ME3: variants seen among roughly 807,000 people sequenced by gnomAD.
ME3 encodes the protein NADP-dependent malic enzyme, mitochondrial.
ME3 carries 48 observed loss-of-function variants against 68.9 expected under a neutral mutation model. The ratio of observed to expected loss-of-function variants is 0.70; its 90% CI spans 0.55 to 0.89. The LOEUF is 0.89. ME3 is among the 40% of genes least tolerant of loss of function. The pLI, the probability that ME3 is intolerant of heterozygous loss-of-function variation, is 0.00. For synonymous variants in ME3, 320 were observed against 318.8 expected (o/e 1.00, Z -0.04); for missense variants, 675 against 797.4 (o/e 0.85, Z 1.85).
At chr11:86,551,699 A>G (rs898322970) in intron 4 of ME3, among the ~76,000 whole-genome samples, 5 of 152,226 alleles carry the variant, frequency 3.3e-5, no homozygotes, top group African/African-American at 1.2e-4. Context: ...ACATGCATTC[A>G]ATAAATGGTA....
intron 8 of ME3, among the ~76,000 whole-genome samples, chr11:86,458,568 C>T (rs560471659): frequency 2.0e-5 from 3 of 152,064 alleles, no homozygotes; most frequent in Non-Finnish European, 4.4e-5. Flanking sequence ...ACATGAACTT[C>T]AGGACTAGGA....
At chr11:86,507,720 C>T (rs997221244) in intron 5 of ME3, among the ~76,000 whole-genome samples, 5 of 152,164 alleles carry the variant, frequency 3.3e-5, no homozygotes, top group Non-Finnish European at 5.9e-5. Flanking sequence ...CGGTGGCTCA[C>T]GCCTGTAATC....
chr11:86,578,191 C>G (rs1958227026), intron 2 of ME3, among the ~76,000 whole-genome samples: 1 of 152,146 alleles, frequency 6.6e-6, no homozygotes, highest in South Asian at 2.1e-4. Flanking sequence ...CCTCTCTTCC[C>G]AAGAGACTAT....
chr11:86,471,755 G>A (rs1472954946), intron 7 of ME3, among the ~76,000 whole-genome samples: 1 of 152,190 alleles, frequency 6.6e-6, no homozygotes, highest in Non-Finnish European at 1.5e-5. Flanking sequence ...TTTGAGCCCA[G>A]AAGTTCAAGG....
chr11:86,644,607 A>C (rs1944883336), intron 2 of ME3, among the ~76,000 whole-genome samples: 1 of 152,152 alleles, frequency 6.6e-6, no homozygotes, highest in African/African-American at 2.4e-5. Flanking sequence ...CCTCTGCCCC[A>C]AACAGTCTTA....
chr11:86,475,811 A>G (rs1367077148), intron 7 of ME3, among the ~76,000 whole-genome samples: 3 of 150,194 alleles, frequency 2.0e-5, no homozygotes, highest in African/African-American at 7.4e-5. Context: ...TGAGAATTCT[A>G]AGATACAGAC....
chr11:86,449,352 G>A (rs1410787092), intron 10 of ME3, among the ~76,000 whole-genome samples: 1 of 152,174 alleles, frequency 6.6e-6, no homozygotes, highest in Non-Finnish European at 1.5e-5. Context: ...CTTACCATGT[G>A]CCAGGCATTG....
intron 4 of ME3, among the ~76,000 whole-genome samples, chr11:86,517,539 C>T (rs753661953): frequency 2.4e-4 from 37 of 152,120 alleles, no homozygotes; most frequent in Middle Eastern, 6.8e-3. Flanking sequence ...TCCAACCTGT[C>T]GACATGTTGG....
chr11:86,544,789 C>A (rs914587624), intron 4 of ME3, among the ~76,000 whole-genome samples: 1 of 152,068 alleles, frequency 6.6e-6, no homozygotes, highest in Non-Finnish European at 1.5e-5. Flanking sequence ...AGAGAGGGAC[C>A]GCTCCCTAAC....
intron 2 of ME3, among the ~76,000 whole-genome samples, chr11:86,645,012 A>G (rs1944908119): frequency 6.6e-6 from 1 of 152,178 alleles, no homozygotes; most frequent in South Asian, 2.1e-4. Flanking sequence ...GTGCCATGAG[A>G]GACGAAGCTA....
At chr11:86,655,000 G>A (rs1400508735) in intron 2 of ME3, among the ~76,000 whole-genome samples, 7 of 151,984 alleles carry the variant, frequency 4.6e-5, no homozygotes. Context: ...ATTCACAATT[G>A]CTTCAAAGAG....
At chr11:86,476,340 G>A (rs567147932) in intron 7 of ME3, among the ~76,000 whole-genome samples, 1 of 152,286 alleles carries the variant, frequency 6.6e-6, no homozygotes, top group East Asian at 1.9e-4. Context: ...TTTAAGGAGC[G>A]GCAGGAACAG....
intron 4 of ME3, among the ~76,000 whole-genome samples, chr11:86,529,982 A>G (rs1216138743): frequency 5.3e-5 from 8 of 152,172 alleles, no homozygotes; most frequent in Admixed American, 5.2e-4. Context: ...CCTATTCAAC[A>G]TAGTGTTGGA....
At chr11:86,446,640 T>C (rs979210466) in intron 12 of ME3, among the ~76,000 whole-genome samples, 153 bp from the exon 13 acceptor site, 1 of 152,218 alleles carries the variant, frequency 6.6e-6, no homozygotes, top group Non-Finnish European at 1.5e-5. Context: ...TAAAGCACAT[T>C]TGTCATTTGA....
rs57349808 is a variant in ME3 at position 86,478,324 on chromosome 11, CAAAAAAAAAAAAA to C, written c.809+9000_809+9012del. ...CCTCTGACAATGAAAGCCTAAGGACCAAAAAAAAAAAAAAAAAAAAAAAAAGGTTAAAGAAAAG... is the reference window on the plus strand; with the variant it reads ...CCTCTGACAATGAAAGCCTAAGGACCAAAAAAAAAAAAGGTTAAAGAAAAG... On this transcript the variant is annotated intron_variant, in intron 7 of 14. Transcript: ENST00000543262. 1.9e-4 allele frequency among the ~76,000 whole-genome samples: 12 copies of C among 62,898 alleles called. 1 individual carries two copies. In the East Asian group the frequency reaches 5.8e-3, roughly 30 times the overall value. 41.3% of individuals were successfully genotyped at this position (62,898 alleles called of 152,430 possible).
At chr11:86,517,860 G>A (rs531850893) in intron 4 of ME3, among the ~76,000 whole-genome samples, 1 of 152,214 alleles carries the variant, frequency 6.6e-6, no homozygotes, top group African/African-American at 2.4e-5. Context: ...GGTATGGTAA[G>A]TTGTTCAGAA....
intron 8 of ME3, among the ~76,000 whole-genome samples, chr11:86,461,804 A>T (rs1950236057): frequency 6.6e-6 from 1 of 152,148 alleles, no homozygotes; most frequent in Non-Finnish European, 1.5e-5. Flanking sequence ...TCACACCTAA[A>T]CATCAGGCTG....
chr11:86,530,485 T>C lies in ME3; in HGVS notation c.468-21618A>G, dbSNP rs898849580. Reference sequence around the variant, plus strand: ...GCTACCAATGACTTTCTTCACAGAATTGGAAAAAACTACTTTAAAGTTCAT... The same window carrying C: ...GCTACCAATGACTTTCTTCACAGAACTGGAAAAAACTACTTTAAAGTTCAT... On this transcript the variant is annotated intron_variant, in intron 4 of 14. Coordinates refer to ENST00000543262, the Ensembl canonical transcript of ME3. 1.1e-4 allele frequency among the ~76,000 whole-genome samples: 17 copies of C among 152,262 alleles called. 2 individuals are homozygous for C. Among genetic ancestry groups the C allele is most frequent in the Admixed American group, 5.2e-4 (8 of 15,292 alleles).
Position 86,450,014 on chromosome 11 carries a change from C to G in ME3, c.1018-12G>C. The G allele has an allele frequency of 6.3e-7, 1 of 1,585,822 alleles. No homozygotes were observed. Among genetic ancestry groups the G allele is most frequent in the Non-Finnish European group, 8.6e-7 (1 of 1,158,354 alleles). ...ATGCCCATAGCTGCCTGGAAGGTACCATAGGGTAGATGTTCAGACACAGGG... is the reference window on the plus strand; with the variant it reads ...ATGCCCATAGCTGCCTGGAAGGTACGATAGGGTAGATGTTCAGACACAGGG... On this transcript the variant is annotated splice_polypyrimidine_tract_variant and intron_variant, in intron 9 of 14. Transcript: ENST00000543262.
Sources: gnomAD v4.1 joint callset for allele counts (sites outside exome capture counted in the v4.1 genomes callset) on GRCh38, gnomAD v4.1.1 for gene constraint, MANE v1.5 for transcripts, NCBI Gene and HGNC (gene_info 2026-07-23, HGNC 2026-07-21) for gene names.